SUMF1: variants seen among roughly 807,000 people sequenced by gnomAD.
SUMF1 encodes sulfatase modifying factor 1.
In SUMF1, 48 loss-of-function variants were observed where a neutral mutation model predicts 47.6. The ratio of observed to expected loss-of-function variants is 1.01; its 90% CI spans 0.80 to 1.28. The LOEUF (loss-of-function observed/expected upper bound fraction) is 1.28, where lower values mean the gene tolerates loss of function less well. Ranked by LOEUF, SUMF1 falls within the 50% of genes most tolerant of loss-of-function variation. The probability of loss-of-function intolerance (pLI) is 0.00; values close to 1 mark genes in which losing one functional copy is unlikely to be tolerated. For synonymous variants in SUMF1, 230 were observed against 192.1 expected, an observed-to-expected ratio of 1.20 and a Z score of -1.63; for missense variants, 571 against 485.4, an observed-to-expected ratio of 1.18 and a Z score of -1.66.
chr3:4,081,733 G>T (rs1692564420), intron 8 of SUMF1, among the ~76,000 whole-genome samples: 1 of 152,126 alleles, frequency 6.6e-6, no homozygotes, highest in Non-Finnish European at 1.5e-5. Flanking sequence ...ATGGTCAATT[G>T]TATGTGTGGA....
chr3:4,149,617 T>G (rs1367061429), intron 8 of SUMF1, among the ~76,000 whole-genome samples: 1 of 152,188 alleles, frequency 6.6e-6, no homozygotes, highest in African/African-American at 2.4e-5. Flanking sequence ...TTCCAAAATT[T>G]TGCATGTACT....
intron 3 of SUMF1, among the ~76,000 whole-genome samples, chr3:4,442,347 C>T: frequency 6.6e-6 from 1 of 150,492 alleles, no homozygotes; most frequent in African/African-American, 2.4e-5. Context: ...GCTCCGCCTC[C>T]CGGGTTCACG....
intron 8 of SUMF1, among the ~76,000 whole-genome samples, chr3:4,205,987 G>T (rs1396594627): frequency 6.6e-6 from 1 of 152,020 alleles, no homozygotes; most frequent in Non-Finnish European, 1.5e-5. Context: ...GATGAATCTT[G>T]CAAGGACTGA....
At position 4,111,992 on chromosome 3, in the gene SUMF1, T is replaced by C. The variant is rs1693318808; in HGVS notation, c.1015-43247A>G. On this transcript the variant is annotated intron_variant and NMD_transcript_variant, in intron 8 of 12. Transcript: ENST00000448413. Reference sequence around the variant, plus strand: ...ATGGCAATTATAGAAAATATGAATGTGTATACATAAATGACAGGAAAGGCA... The same window carrying C: ...ATGGCAATTATAGAAAATATGAATGCGTATACATAAATGACAGGAAAGGCA... Among the ~76,000 whole-genome samples, 2 of 152,062 alleles carry C rather than the reference T, an allele frequency of 1.3e-5. 1 individual carries two copies. The highest frequency in any genetic ancestry group is 4.8e-5 in the African/African-American group (2 of 41,376).
chr3:4,102,752 G>A lies in SUMF1; in HGVS notation c.1015-34007C>T, dbSNP rs973304117. 3.3e-5 allele frequency among the ~76,000 whole-genome samples: 5 copies of A among 151,990 alleles called. No homozygotes were observed. The East Asian group carries it at 5.8e-4, about 18-fold the overall frequency. ...GCAGAGTCTTGCACCAGAAGCACAG[G>A]ATTTGATAGGTGCTTGATAAATTAA... On this transcript the variant is annotated intron_variant and NMD_transcript_variant, in intron 8 of 12. Coordinates refer to the SUMF1 transcript ENST00000448413.
chr3:4,449,016 C>CT (rs1284660421), intron 3 of SUMF1, among the ~76,000 whole-genome samples: 1 of 152,220 alleles, frequency 6.6e-6, no homozygotes, highest in Non-Finnish European at 1.5e-5. Flanking sequence ...CCTAGCAACA[C>CT]TGTGTGTTCC....
intron 8 of SUMF1, among the ~76,000 whole-genome samples, chr3:4,311,927 C>T (rs188323035): frequency 1.2e-3 from 176 of 152,262 alleles, no homozygotes; most frequent in South Asian, 2.3e-3. Context: ...ATATGCTTCA[C>T]GATGCTAATG....
At chr3:4,385,916 T>C (rs1700657080) in intron 7 of SUMF1, among the ~76,000 whole-genome samples, 1 of 152,316 alleles carries the variant, frequency 6.6e-6, no homozygotes, top group South Asian at 2.1e-4. Flanking sequence ...TTTGGCAACT[T>C]TGTCAAAAAT....
rs978433562 is a variant in SUMF1, at chr3:4,311,982, G to T, written c.1014+64348C>A. On this transcript the variant is annotated intron_variant and NMD_transcript_variant, in intron 8 of 12. Transcript: ENST00000448413. Reference sequence around the variant, plus strand: ...GGCTTCACATAGAGTTTAGATTGAGGATTGTCTTCTTTTTATATAACATTT... The same window carrying T: ...GGCTTCACATAGAGTTTAGATTGAGTATTGTCTTCTTTTTATATAACATTT... Among the ~76,000 whole-genome samples, 3 of 152,120 alleles carry T rather than the reference G, an allele frequency of 2.0e-5. No individual in the cohort carries two copies. The East Asian group carries it at 5.8e-4, about 29-fold the overall frequency.
chr3:4,050,147 T>C (rs1283174269), intron 9 of SUMF1, among the ~76,000 whole-genome samples: 2 of 151,980 alleles, frequency 1.3e-5, no homozygotes, highest in Non-Finnish European at 2.9e-5. Context: ...CTTTTGGGCA[T>C]GAAAACAGGA....
intron 8 of SUMF1, among the ~76,000 whole-genome samples, chr3:4,348,768 G>A (rs867643491): frequency 3.3e-5 from 5 of 151,828 alleles, no homozygotes; most frequent in Non-Finnish European, 5.9e-5. Context: ...CCAGCTACTC[G>A]GGAGGCTGAG....
intron 1 of SUMF1, among the ~76,000 whole-genome samples, chr3:4,465,977 AGT>A (rs2079933719): frequency 6.6e-6 from 1 of 152,266 alleles, no homozygotes; most frequent in Non-Finnish European, 1.5e-5. Flanking sequence ...GGAAAAGGAT[AGT>A]GTCTGCTAAG....
chr3:4,055,864 C>T (rs1050275918), intron 9 of SUMF1, among the ~76,000 whole-genome samples: 16 of 152,174 alleles, frequency 1.1e-4, no homozygotes, highest in Non-Finnish European at 4.4e-5. Flanking sequence ...CATATTCCTT[C>T]CCAGAGGCTC....
chr3:4,215,975 T>C (rs1695914211), intron 8 of SUMF1, among the ~76,000 whole-genome samples: 1 of 152,118 alleles, frequency 6.6e-6, no homozygotes, highest in Admixed American at 6.6e-5. Context: ...CCAAAGTAAT[T>C]TATAGATTCA....
At position 4,082,466 on chromosome 3, in the gene SUMF1, C is replaced by A. The variant is rs542338297; in HGVS notation, c.1015-13721G>T. ...CCTGGGCAACAGAGTGAGACCCACCCTGTTTCAAAAATTAAGTAATTAATT... is the reference window on the plus strand; with the variant it reads ...CCTGGGCAACAGAGTGAGACCCACCATGTTTCAAAAATTAAGTAATTAATT... On this transcript the variant is annotated intron_variant and NMD_transcript_variant, in intron 8 of 12. Transcript: ENST00000448413. Among the ~76,000 whole-genome samples, 43 of 152,006 alleles carry A rather than the reference C, an allele frequency of 2.8e-4. 1 individual carries two copies. The South Asian group carries it at 8.9e-3, about 32-fold the overall frequency.
intron 8 of SUMF1, among the ~76,000 whole-genome samples, chr3:4,171,932 T>C (rs563367498): frequency 6.6e-6 from 1 of 152,260 alleles, no homozygotes; most frequent in South Asian, 2.1e-4. Flanking sequence ...GAGGAAAGCA[T>C]ACTCCACCCT....
intron 8 of SUMF1, among the ~76,000 whole-genome samples, chr3:4,327,680 A>G (rs535791405): frequency 6.6e-6 from 1 of 152,270 alleles, no homozygotes; most frequent in East Asian, 1.9e-4. Context: ...ACACCATTTC[A>G]TATTTGACAT....
At chr3:4,177,291 A>G (rs1219153662) in intron 8 of SUMF1, among the ~76,000 whole-genome samples, 1 of 152,206 alleles carries the variant, frequency 6.6e-6, no homozygotes, top group Non-Finnish European at 1.5e-5. Context: ...AATTGGAAGT[A>G]AAGCACTCCT....
chr3:4,310,757 A>G (rs1426407910), intron 8 of SUMF1, among the ~76,000 whole-genome samples: 1 of 152,196 alleles, frequency 6.6e-6, no homozygotes, highest in Non-Finnish European at 1.5e-5. Context: ...AGTTGATTTT[A>G]AAAGAAGTTA....
Sources: allele counts gnomAD v4.1 joint callset (sites outside exome capture counted in the v4.1 genomes callset), GRCh38; gene constraint gnomAD v4.1.1; transcripts MANE v1.5; gene names NCBI Gene and HGNC (gene_info 2026-07-23, HGNC 2026-07-21).